Variants in STRN4 observed in about 807,000 individuals in gnomAD.
STRN4 encodes the protein striatin 4, also known as striatin-4.
STRN4 carries 27 observed loss-of-function variants against 77.9 expected under a neutral mutation model. The observed-to-expected ratio is 0.35, with a 90% confidence interval of 0.26 to 0.48. The LOEUF is 0.48. Ranked by LOEUF, STRN4 falls within the 20% of genes least tolerant of loss-of-function variation. The pLI is 0.99. For synonymous variants in STRN4, 466 were observed against 443.1 expected (o/e 1.05, Z -0.65); for missense variants, 798 against 1,049.7 (o/e 0.76, Z 3.31).
At chr19:46,722,109 A>C in intron 15 of STRN4, 37 bp from the exon 16 acceptor site, 1 of 1,609,632 alleles carries the variant, frequency 6.2e-7, no homozygotes, top group South Asian at 1.1e-5. Context: ...TTCCCCTCCC[A>C]CTCTGGGCCT....
chr19:46,725,918 T>C, intron 9 of STRN4: 1 of 490,542 alleles, frequency 2.0e-6, no homozygotes, highest in Non-Finnish European at 3.7e-6. Flanking sequence ...GGAAGGGGAA[T>C]GGGGGACACA....
chr19:46,724,993 C>T (rs1414905202), intron 11 of STRN4, 65 bp from the exon 12 acceptor site: 3 of 1,604,326 alleles, frequency 1.9e-6, no homozygotes, highest in African/African-American at 1.3e-5. Context: ...GGCCACAGGA[C>T]CTAAGTTCCC....
intron 9 of STRN4, 188 bp from the exon 10 acceptor site, chr19:46,725,836 C>T: frequency 4.2e-6 from 3 of 707,976 alleles, no homozygotes; most frequent in South Asian, 3.8e-5. Context: ...GCTCGCCCAA[C>T]AAGTCCCCAC....
chr19:46,736,707 G>A (rs167520), intron 4 of STRN4, 116 bp downstream of exon 4: 2 of 1,128,750 alleles, frequency 1.8e-6, no homozygotes, highest in Non-Finnish European at 1.3e-6. Flanking sequence ...GGCTGGCTAA[G>A]ATCCTGATAG....
chr19:46,725,704 G>A, intron 9 of STRN4, 56 bp from the exon 10 acceptor site: 1 of 1,579,536 alleles, frequency 6.3e-7, no homozygotes, highest in Non-Finnish European at 8.6e-7. Flanking sequence ...CAGTCATGCA[G>A]ACACCGACAC....
chr19:46,728,439 G>T, intron 7 of STRN4, 179 bp downstream of exon 7: 1 of 822,166 alleles, frequency 1.2e-6, no homozygotes, highest in Non-Finnish European at 1.8e-6. Flanking sequence ...TCCAGGGAAG[G>T]GGTGAGGGGC....
In STRN4 at chr19:46,727,477, G is replaced by T. The variant is rs1378231978; in HGVS notation, c.1223C>A (p.Thr408Asn). The T allele has an allele frequency of 1.9e-6, 3 of 1,613,920 alleles. No homozygotes were observed. Among genetic ancestry groups the T allele is most frequent in the Non-Finnish European group, 2.5e-6 (3 of 1,179,956 alleles). The change falls in exon 9 of 18, where the codon ACC (threonine) becomes AAC (asparagine). Residue 408 changes from threonine (T) to asparagine (N), a missense_variant. Physicochemically the swap from Thr to Asn is moderately conservative, Grantham distance 65 (BLOSUM62 0). Coordinates refer to ENST00000263280, the MANE Select transcript of STRN4 (RefSeq NM_013403.3). ...ATCGCAGCTGAGGTCGTTGTCGTTG[G>T]TGACGGTGAGATCTGCCAAGTCCCC... Reference protein sequence around the residue: ...SLGDLADLTVTNDNDLSCDLS... With the variant: ...SLGDLADLTVNNDNDLSCDLS...
At chr19:46,740,647 C>T (rs903609166) in intron 1 of STRN4, among the ~76,000 whole-genome samples, 8 of 151,982 alleles carry the variant, frequency 5.3e-5, no homozygotes, top group Non-Finnish European at 1.0e-4. Context: ...TTCAGCCTGC[C>T]GGGAACCTAC....
Position 46,722,020 on chromosome 19 carries a change from G to A in STRN4, c.2058C>T (p.Ala686=), listed in dbSNP as rs530725949. The stretch of plus-strand genomic sequence containing the variant: ...TCAGGAATGCGCCGTTGGGGTCCAC[G>A]GCTAGGCAGGTGACTGCGTCCAGGT... ...VAHLDAVTCL[A]VDPNGAFLMS... is the part of the protein sequence containing the mutation. The change falls in exon 16 of 18, where the codon GCC becomes GCT. Residue 686 remains alanine (A), a synonymous_variant. Transcript: ENST00000263280. 1.1e-5 allele frequency: 17 copies of A among 1,613,518 alleles called. No homozygotes were observed. The highest frequency in any genetic ancestry group is 2.7e-5 in the African/African-American group (2 of 74,936).
intron 1 of STRN4, 182 bp downstream of exon 1, chr19:46,745,967 T>G: frequency 1.6e-6 from 1 of 640,760 alleles, no homozygotes; most frequent in Non-Finnish European, 2.2e-6. Context: ...CACCCCGGAG[T>G]GCCCTCAGGA....
intron 17 of STRN4, 72 bp downstream of exon 17, chr19:46,720,464 C>T (rs996873154): frequency 1.0e-5 from 11 of 1,074,098 alleles, no homozygotes; most frequent in East Asian, 6.2e-5. Flanking sequence ...GACTGGACTG[C>T]GGGGCTCAGC....
intron 1 of STRN4, among the ~76,000 whole-genome samples, chr19:46,743,535 G>A (rs913047753): frequency 2.0e-5 from 3 of 152,210 alleles, no homozygotes; most frequent in African/African-American, 7.2e-5. Context: ...CCCTGGGGAG[G>A]CCACTATGCT....
intron 8 of STRN4, 134 bp from the exon 9 acceptor site, chr19:46,727,680 G>A (rs1299508150): frequency 1.3e-6 from 1 of 792,554 alleles, no homozygotes; most frequent in Non-Finnish European, 2.1e-6. Flanking sequence ...AGGACAAGAT[G>A]AAGAATCACA....
intron 9 of STRN4, 67 bp downstream of exon 9, chr19:46,727,385 G>T: frequency 7.2e-7 from 1 of 1,391,534 alleles, no homozygotes; most frequent in Non-Finnish European, 1.0e-6. Context: ...CCCAGTCAGA[G>T]CTTGCAGGGG....
intron 9 of STRN4, 195 bp from the exon 10 acceptor site, chr19:46,725,843 C>A: frequency 1.5e-6 from 1 of 686,132 alleles, no homozygotes. Flanking sequence ...CAACAAGTCC[C>A]CACACTGCGC....
Position 46,723,611 on chromosome 19 carries a change from G to A in STRN4, c.1595-327C>T, listed in dbSNP as rs1031217075. ...CCATTAAGGAAGAAGGAACAGCATG[G>A]TTCTGTGGCCCCAGGAGCGGCACGC... On this transcript the variant is annotated intron_variant, in intron 12 of 17. Transcript: ENST00000263280. The surrounding 1 kb of genome is among the most constrained non-coding windows in gnomAD (Gnocchi z 5.5). Among the ~76,000 whole-genome samples the A allele has an allele frequency of 3.9e-5, 6 of 152,224 alleles. No individual in the cohort carries two copies. The highest frequency in any genetic ancestry group is 1.4e-4 in the African/African-American group (6 of 41,454).
chr19:46,724,449 C>A (rs144091520), intron 12 of STRN4, among the ~76,000 whole-genome samples: 4 of 152,176 alleles, frequency 2.6e-5, no homozygotes, highest in Non-Finnish European at 4.4e-5. Flanking sequence ...GAGACCCTGG[C>A]GGATCCCCAC....
intron 1 of STRN4, among the ~76,000 whole-genome samples, chr19:46,739,101 A>G (rs1316081965): frequency 6.6e-6 from 1 of 152,248 alleles, no homozygotes; most frequent in African/African-American, 2.4e-5. Flanking sequence ...CACGTCACCC[A>G]CAACGAGGGC....
Position 46,720,577 on chromosome 19 carries a change from C to G in STRN4, c.*25G>C. The G allele has an allele frequency of 6.6e-7, 1 of 1,525,390 alleles. No individual in the cohort carries two copies. Among genetic ancestry groups the G allele is most frequent in the South Asian group, 1.3e-5 (1 of 77,830 alleles). 94.5% of individuals were successfully genotyped at this position (1,525,390 alleles called of 1,614,324 possible). Reference sequence around the variant, plus strand: ...CGGCCCTACACCCCAGCCAGCGTGGCGGCCAGGGCAGGGCCAGGTGGGCAT... The same window carrying G: ...CGGCCCTACACCCCAGCCAGCGTGGGGGCCAGGGCAGGGCCAGGTGGGCAT... On this transcript the variant is annotated 3_prime_UTR_variant, in exon 17 of 18. Transcript: ENST00000263280.
Sources: allele counts gnomAD v4.1 joint callset (sites outside exome capture counted in the v4.1 genomes callset), GRCh38; gene constraint gnomAD v4.1.1; non-coding constraint Gnocchi (gnomAD v3.1); transcripts MANE v1.5; gene names NCBI Gene and HGNC (gene_info 2026-07-23, HGNC 2026-07-21).